Variants in SYCE3 observed in about 807,000 individuals in gnomAD.
SYCE3 encodes testis highly expressed gene 2 protein.
SYCE3 carries 3 observed loss-of-function variants against 8.1 expected under a neutral mutation model. That is an observed-to-expected ratio of 0.37 (90% CI 0.17 to 0.96). The LOEUF (loss-of-function observed/expected upper bound fraction) is 0.96, where lower values mean the gene tolerates loss of function less well. Ranked by LOEUF, SYCE3 falls within the 40% of genes least tolerant of loss-of-function variation. The pLI is 0.41. For missense variants in SYCE3, 83 were observed against 110.0 expected (o/e 0.75, Z 1.10); for synonymous variants, 36 against 38.7 (o/e 0.93, Z 0.26).
intron 2 of SYCE3, among the ~76,000 whole-genome samples, chr22:50,553,744 A>G (rs919931460): frequency 3.3e-5 from 5 of 152,056 alleles, no homozygotes; most frequent in African/African-American, 4.8e-5. Context: ...CAACACGCCC[A>G]GCTAATTTTT....
At chr22:50,551,647 C>T (rs1005559047) in intron 2 of SYCE3, among the ~76,000 whole-genome samples, 9 of 149,584 alleles carry the variant, frequency 6.0e-5, no homozygotes, top group African/African-American at 2.1e-4. Flanking sequence ...ATACACCAGA[C>T]ATGATGTAAA....
rs191140048 is a variant in SYCE3, at chr22:50,551,436, G to A, written c.110-34C>T. Reference sequence around the variant, plus strand: ...AGCAGACAGGACTGGTCAGGCCACAGGGAGGGGCTGCAGCTCTGGGGTGCC... The same window carrying A: ...AGCAGACAGGACTGGTCAGGCCACAAGGAGGGGCTGCAGCTCTGGGGTGCC... On this transcript the variant is annotated intron_variant, in intron 2 of 2. Transcript: ENST00000406915. The A allele has an allele frequency of 2.2e-5, 33 of 1,531,758 alleles. No homozygotes were observed. The East Asian group carries it at 7.4e-4, about 34-fold the overall frequency. The allele number at this position is 1,531,758 out of a possible 1,614,324, so 94.9% of individuals were successfully genotyped here.
At chr22:50,556,635 C>T (rs751481672) in intron 1 of SYCE3, among the ~76,000 whole-genome samples, 10 of 152,178 alleles carry the variant, frequency 6.6e-5, no homozygotes, top group South Asian at 2.1e-4. Flanking sequence ...TCCATCTTTG[C>T]CATACAAACG....
intron 1 of SYCE3, among the ~76,000 whole-genome samples, chr22:50,559,459 G>C (rs1253957845): frequency 1.3e-5 from 2 of 152,102 alleles, no homozygotes; most frequent in Non-Finnish European, 2.9e-5. Flanking sequence ...ATGAGATGAG[G>C]AAACACTGGA....
intron 2 of SYCE3, among the ~76,000 whole-genome samples, chr22:50,554,722 C>T (rs58133221): frequency 0.065 from 9,485 of 146,468 alleles, 1,003 homozygotes; most frequent in African/African-American, 0.22. Flanking sequence ...AGGCCAGGCG[C>T]GGTGGCTCAC....
intron 2 of SYCE3, among the ~76,000 whole-genome samples, chr22:50,555,886 C>T (rs969884075): frequency 5.2e-4 from 79 of 151,702 alleles, no homozygotes; most frequent in African/African-American, 1.8e-3. Flanking sequence ...CTCCACCTCC[C>T]GGGTTCATGC....
rs145641866 is a variant in SYCE3, at chr22:50,559,323, C to T, written c.1-2918G>A. 7.2e-3 allele frequency among the ~76,000 whole-genome samples: 1,094 copies of T among 152,136 alleles called. 23 individuals carry two copies. The highest frequency in any genetic ancestry group is 0.046 in the East Asian group (234 of 5,142). The stretch of plus-strand genomic sequence containing the variant: ...TGTATTTTTAGTAGAGACGGGGTTT[C>T]GCCATATTGGCCAGGCTGGTCTCAA... On this transcript the variant is annotated intron_variant, in intron 1 of 2. Transcript: ENST00000406915.
At chr22:50,560,198 C>T (rs894150770) in intron 1 of SYCE3, among the ~76,000 whole-genome samples, 3 of 152,122 alleles carry the variant, frequency 2.0e-5, no homozygotes, top group African/African-American at 4.8e-5. Flanking sequence ...TCAAAGATTA[C>T]AGTATTTGGG....
At chr22:50,556,801 T>A (rs377302697) in intron 1 of SYCE3, among the ~76,000 whole-genome samples, 140 of 152,358 alleles carry the variant, frequency 9.2e-4, no homozygotes, top group African/African-American at 3.2e-3. Flanking sequence ...ATACAATTCC[T>A]GTACCTAAGG....
chr22:50,555,721 T>C (rs2148698746), intron 2 of SYCE3, among the ~76,000 whole-genome samples: 1 of 152,228 alleles, frequency 6.6e-6, no homozygotes, highest in South Asian at 2.1e-4. Flanking sequence ...CAGAAAAAAT[T>C]TAAATCTATC....
intron 1 of SYCE3, among the ~76,000 whole-genome samples, chr22:50,561,767 G>A (rs1040321810): frequency 6.6e-6 from 1 of 151,692 alleles, no homozygotes; most frequent in Admixed American, 6.6e-5. Flanking sequence ...TGTACGGGAT[G>A]AGAGCAGCAC....
intron 2 of SYCE3, among the ~76,000 whole-genome samples, chr22:50,551,819 A>G (rs1384100196): frequency 1.3e-5 from 2 of 152,122 alleles, no homozygotes; most frequent in East Asian, 1.9e-4. Flanking sequence ...GTCCTGCAAG[A>G]CCCAAACCTC....
chr22:50,551,505 C>CATCTGA, intron 2 of SYCE3, 103 bp from the exon 3 acceptor site: 2 of 1,284,374 alleles, frequency 1.6e-6, no homozygotes, highest in Non-Finnish European at 2.1e-6. Context: ...CATCTGGAGG[C>CATCTGA]CCAGATCCTG....
chr22:50,560,290 G>A (rs1282742423), intron 1 of SYCE3, among the ~76,000 whole-genome samples: 4 of 152,122 alleles, frequency 2.6e-5, no homozygotes, highest in African/African-American at 7.2e-5. Context: ...CTTGAAGCCA[G>A]GAGTTTCAGA....
chr22:50,554,423 G>A (rs2148698202), intron 2 of SYCE3, among the ~76,000 whole-genome samples: 1 of 152,254 alleles, frequency 6.6e-6, no homozygotes, highest in South Asian at 2.1e-4. Flanking sequence ...GCTGGGCGTG[G>A]TGGCTCACGC....
At chr22:50,554,194 C>G (rs1246016058) in intron 2 of SYCE3, among the ~76,000 whole-genome samples, 1 of 108,622 alleles carries the variant, frequency 9.2e-6, no homozygotes, top group Non-Finnish European at 2.0e-5. Flanking sequence ...GACTCTGTCT[C>G]AAAAAAAAAA....
chr22:50,556,723 A>AT (rs2069863531), intron 1 of SYCE3, among the ~76,000 whole-genome samples: 3 of 152,298 alleles, frequency 2.0e-5, no homozygotes, highest in Admixed American at 2.0e-4. Flanking sequence ...GTGACATGGA[A>AT]TTTTTTCTTG....
At chr22:50,560,707 G>C (rs1265323332) in intron 1 of SYCE3, among the ~76,000 whole-genome samples, 4 of 152,140 alleles carry the variant, frequency 2.6e-5, no homozygotes, top group African/African-American at 9.7e-5. Flanking sequence ...AGGCTGTGTG[G>C]AAAGAGCTAC....
chr22:50,562,555 A>AGGGGTGAGGGGTGAGGC (rs1569035240), intron 1 of SYCE3, among the ~76,000 whole-genome samples: 3 of 25,716 alleles, frequency 1.2e-4, no homozygotes, highest in Admixed American at 8.2e-4. Flanking sequence ...AGGCGGGATG[A>AGGGGTGAGGGGTGAGGC]GGGGTGAGGG....
Sources: allele counts gnomAD v4.1 joint callset (sites outside exome capture counted in the v4.1 genomes callset), GRCh38; gene constraint gnomAD v4.1.1; transcripts MANE v1.5; gene names NCBI Gene and HGNC (gene_info 2026-07-23, HGNC 2026-07-21).